REST: variants seen among roughly 807,000 people sequenced by gnomAD.
The protein encoded by REST is RE1 silencing transcription factor, also known as RE1-silencing transcription factor.
Under a neutral mutation model 30.4 loss-of-function variants are expected in REST, and 1 was observed. The observed-to-expected ratio is 0.03, with a 90% CI of 0.01 to 0.16. The LOEUF (loss-of-function observed/expected upper bound fraction) is 0.16. Ranked by LOEUF, REST falls within the 10% of genes least tolerant of loss-of-function variation. The pLI is 1.00. For missense variants in REST, 1,259 were observed against 1,329.5 expected, an observed-to-expected ratio of 0.95 and a Z score of 0.82; for synonymous variants, 504 against 451.1, an observed-to-expected ratio of 1.12 and a Z score of -1.49.
chr4:56,931,592 A>G lies in REST; in HGVS notation c.2734A>G (p.Asn912Asp). ...TGAGAGCCTACCTGGTCTTGCTGCT[A>G]ATATCAACGAATCTACCCATATTTC... ...ADESLPGLAA[N>D]INESTHISSS... The change falls in exon 4 of 4, where the codon AAT (asparagine) becomes GAT (aspartate). Residue 912 changes from asparagine to aspartate, a missense_variant. Physicochemically the swap from Asn to Asp is conservative, Grantham distance 23. Coordinates refer to ENST00000309042, the MANE Select transcript of REST (RefSeq NM_005612.5). 2 of 1,614,236 alleles carry G rather than the reference A, an allele frequency of 1.2e-6. No individual in the cohort carries two copies. The highest frequency in any genetic ancestry group is 1.7e-6 in the Non-Finnish European group (2 of 1,180,046).
intron 2 of REST, 80 bp downstream of exon 2, chr4:56,911,616 A>C (rs770350789): frequency 8.6e-7 from 1 of 1,157,262 alleles, no homozygotes. Flanking sequence ...AGTGCTTGAG[A>C]AAAAGGACTC....
rs1386906761 is a variant in REST, at chr4:56,932,307, C to T, written c.*155C>T. 1 of 735,920 alleles carries T rather than the reference C, an allele frequency of 1.4e-6. No individual in the cohort carries two copies. Among genetic ancestry groups the T allele is most frequent in the African/African-American group, 1.8e-5 (1 of 56,170 alleles). The allele number at this position is 735,920 out of a possible 1,614,324, so 45.6% of individuals were successfully genotyped here. A position where few individuals can be genotyped will look rare whatever the true frequency, so the allele number is the denominator to read the frequency against. On this transcript the variant is annotated 3_prime_UTR_variant, in exon 4 of 4. Transcript: ENST00000309042. Reference sequence around the variant, plus strand: ...TTTCCTTAGGACTTTTTATGTATACCTGTTGATTGTTGTGTAAATTTTAGT... The same window carrying T: ...TTTCCTTAGGACTTTTTATGTATACTTGTTGATTGTTGTGTAAATTTTAGT...
intron 3 of REST, among the ~76,000 whole-genome samples, chr4:56,924,275 CTA>C (rs1247590897): frequency 6.6e-6 from 1 of 152,146 alleles, no homozygotes; most frequent in African/African-American, 2.4e-5. Context: ...ATTTTAAAAA[CTA>C]TTTTATTGAG....
intron 2 of REST, among the ~76,000 whole-genome samples, chr4:56,916,615 C>T (rs1370020108): frequency 6.6e-6 from 1 of 151,852 alleles, no homozygotes; most frequent in African/African-American, 2.4e-5. Context: ...CCAGCCTGGG[C>T]GACAGAGCGA....
At chr4:56,911,618 A>G in intron 2 of REST, 82 bp downstream of exon 2, 1 of 1,149,174 alleles carries the variant, frequency 8.7e-7, no homozygotes, top group South Asian at 1.5e-5. Context: ...TGCTTGAGAA[A>G]AAGGACTCTG....
chr4:56,930,272 G>T lies in REST; in HGVS notation c.1414G>T (p.Asp472Tyr), dbSNP rs759708208. Residue 472 changes from aspartate to tyrosine, a missense_variant, in exon 4 of 4, where the codon GAT becomes TAT. Around this residue, in one of 5 missense-constraint regions of REST, gnomAD observed 856 missense variants for 772.8 expected, o/e 1.11. Coordinates refer to ENST00000309042, the MANE Select transcript of REST (RefSeq NM_005612.5). The stretch of plus-strand genomic sequence containing the variant: ...AAAGTCCGTCAAAGCAGAGAAAAGA[G>T]ATGTCTCAAAAGAGAAAAAGCCTTC... ...NEKSVKAEKR[D>Y]VSKEKKPSNN... 1 of 1,612,772 alleles carries T rather than the reference G, an allele frequency of 6.2e-7. No individual in the cohort carries two copies. Among genetic ancestry groups the T allele is most frequent in the South Asian group, 1.1e-5 (1 of 90,554 alleles).
intron 3 of REST, chr4:56,927,525 A>G: frequency 2.3e-6 from 1 of 430,774 alleles, no homozygotes; most frequent in Non-Finnish European, 3.2e-6. Context: ...GAAAATTTTT[A>G]GTACAATTTG....
rs1197737204 is a variant in REST at position 56,910,899 on chromosome 4, TGAA to T, written c.266_268del (p.Glu89del). The T allele has an allele frequency of 1.9e-6, 3 of 1,614,016 alleles. No homozygotes were observed. The highest frequency in any genetic ancestry group is 1.7e-5 in the Admixed American group (1 of 59,986). ...TTGGGGATAACAACTTTTCAGATAG[TGAA>T]GAAGGAGAAGGACTTGAAGAGTCTG... is the stretch of plus-strand genomic sequence containing the variant. On this transcript the variant is annotated inframe_deletion, in exon 2 of 4. Coordinates refer to ENST00000309042, the MANE Select transcript of REST (RefSeq NM_005612.5).
intron 2 of REST, among the ~76,000 whole-genome samples, chr4:56,916,645 AT>A (rs1280585211): frequency 1.3e-5 from 2 of 152,240 alleles, no homozygotes; most frequent in East Asian, 1.9e-4. Flanking sequence ...TCAAAAAAAA[AT>A]AATAATAAAA....
At chr4:56,923,080 G>C (rs1311506346) in intron 3 of REST, among the ~76,000 whole-genome samples, 2 of 152,198 alleles carry the variant, frequency 1.3e-5, no homozygotes, top group African/African-American at 4.8e-5. Context: ...GTATTTTAAA[G>C]ATGATTTTTA....
In REST at chr4:56,932,082, A is replaced by G; in HGVS notation, c.3224A>G (p.Tyr1075Cys). 6.2e-7 allele frequency: 1 copy of G among 1,614,262 alleles called. No individual in the cohort carries two copies. The change falls in exon 4 of 4, where the codon TAC (tyrosine) becomes TGC (cysteine). Residue 1075 changes from tyrosine to cysteine, a missense_variant. By Grantham distance (194) the Tyr-to-Cys change is radical. This residue lies in a region of REST where 25 missense variants were observed against 33.2 expected (regional missense o/e 0.75). Transcript: ENST00000309042. Reference protein sequence around the residue: ...CDRSFRKGKDYSKHLNRHLVN... With the variant: ...CDRSFRKGKDCSKHLNRHLVN... Reference sequence around the variant, plus strand: ...CGTTCTTTCAGAAAGGGAAAAGATTACAGCAAACACCTCAATCGCCATTTG... The same window carrying G: ...CGTTCTTTCAGAAAGGGAAAAGATTGCAGCAAACACCTCAATCGCCATTTG...
At chr4:56,922,722 C>T (rs574465786) in intron 3 of REST, among the ~76,000 whole-genome samples, 35 of 152,318 alleles carry the variant, frequency 2.3e-4, no homozygotes, top group African/African-American at 6.7e-4. Context: ...GAAAAAAATA[C>T]GACCTTTTTT....
chr4:56,917,701 G>A (rs1320480790), intron 2 of REST, among the ~76,000 whole-genome samples: 1 of 152,128 alleles, frequency 6.6e-6, no homozygotes, highest in Non-Finnish European at 1.5e-5. Flanking sequence ...GCTTTACCAA[G>A]GTCATAATTA....
chr4:56,929,135 T>G (rs1343745717), intron 3 of REST, among the ~76,000 whole-genome samples: 1 of 151,072 alleles, frequency 6.6e-6, no homozygotes, highest in East Asian at 2.0e-4. Context: ...TAGTGCGATC[T>G]CAGCTCACTG....
At chr4:56,914,516 A>C (rs1720087243) in intron 2 of REST, among the ~76,000 whole-genome samples, 1 of 152,242 alleles carries the variant, frequency 6.6e-6, no homozygotes, top group Non-Finnish European at 1.5e-5. Context: ...CAAGCATTAC[A>C]AAAATACATA....
At chr4:56,925,309 C>T (rs555714337) in intron 3 of REST, among the ~76,000 whole-genome samples, 1 of 152,064 alleles carries the variant, frequency 6.6e-6, no homozygotes, top group Admixed American at 6.6e-5. Flanking sequence ...ACCTCCTAGG[C>T]TCAAACGATC....
intron 2 of REST, among the ~76,000 whole-genome samples, 170 bp from the exon 3 acceptor site, chr4:56,919,613 GAAAT>G (rs1441266079): frequency 4.6e-5 from 7 of 152,144 alleles, no homozygotes; most frequent in Admixed American, 1.3e-4. Flanking sequence ...CATAGTTTCT[GAAAT>G]AAATAACTTA....
intron 2 of REST, among the ~76,000 whole-genome samples, chr4:56,918,098 A>G (rs1316172182): frequency 6.6e-6 from 1 of 151,334 alleles, no homozygotes; most frequent in Non-Finnish European, 1.5e-5. Flanking sequence ...AGCCATGTCT[A>G]AAAAGAATAT....
intron 3 of REST, among the ~76,000 whole-genome samples, chr4:56,924,517 G>T (rs981981354): frequency 6.6e-6 from 1 of 152,184 alleles, no homozygotes; most frequent in African/African-American, 2.4e-5. Context: ...AGGGTGGAGT[G>T]CAGTGGGTGC....
Sources: gnomAD v4.1 joint callset for allele counts (sites outside exome capture counted in the v4.1 genomes callset) on GRCh38, gnomAD v4.1.1 for gene constraint, gnomAD v4.1.1 regional missense constraint, MANE v1.5 for transcripts, NCBI Gene and HGNC (gene_info 2026-07-23, HGNC 2026-07-21) for gene names.